SPAST: variants seen among roughly 807,000 people sequenced by gnomAD.
The protein encoded by SPAST is spastin, also known as spastic paraplegia 4 (autosomal dominant; spastin).
Under a neutral mutation model 76.6 loss-of-function variants are expected in SPAST, and 30 were observed. The observed-to-expected ratio is 0.39, with a 90% CI of 0.29 to 0.53. The LOEUF (loss-of-function observed/expected upper bound fraction) is 0.53. Among genes scored for constraint, SPAST ranks in the 20% least tolerant of loss-of-function variants. The pLI is 0.68. For missense variants in SPAST, 717 were observed against 770.5 expected, an observed-to-expected ratio of 0.93 and a Z score of 0.82; for synonymous variants, 305 against 281.0, an observed-to-expected ratio of 1.09 and a Z score of -0.86.
intron 2 of SPAST, among the ~76,000 whole-genome samples, chr2:32,088,504 C>T (rs1295646266): frequency 2.0e-5 from 3 of 152,060 alleles, no homozygotes; most frequent in Non-Finnish European, 4.4e-5. Flanking sequence ...ATTAGCCAGG[C>T]GTGGTGTCGC....
chr2:32,066,915 A>C (rs1379368009), intron 1 of SPAST, among the ~76,000 whole-genome samples: 4 of 146,362 alleles, frequency 2.7e-5, no homozygotes, highest in African/African-American at 1.0e-4. Flanking sequence ...TTCAGGCTGC[A>C]ATGAGCTGAG....
chr2:32,127,785 T>C (rs765154883), intron 8 of SPAST: 1 of 152,188 alleles, frequency 6.6e-6, no homozygotes, highest in Non-Finnish European at 1.5e-5. Flanking sequence ...GATGTTTGTC[T>C]TTCTCAAAGC....
intron 3 of SPAST, among the ~76,000 whole-genome samples, chr2:32,093,381 T>C (rs1677799728): frequency 6.7e-6 from 1 of 149,744 alleles, no homozygotes; most frequent in South Asian, 2.1e-4. Flanking sequence ...ACTTGGGAGG[T>C]TGAGGCATGA....
intron 1 of SPAST, among the ~76,000 whole-genome samples, chr2:32,075,241 T>C (rs1676905249): frequency 6.6e-6 from 1 of 151,138 alleles, no homozygotes; most frequent in South Asian, 2.1e-4. Context: ...GCTAACACGG[T>C]GAAACCCCAT....
At chr2:32,066,622 C>T (rs568252142) in intron 1 of SPAST, among the ~76,000 whole-genome samples, 1 of 151,756 alleles carries the variant, frequency 6.6e-6, no homozygotes, top group South Asian at 2.1e-4. Context: ...GAGCCGAGAT[C>T]GTGCCACTAC....
chr2:32,153,137 T>G (rs1332893066), intron 16 of SPAST, among the ~76,000 whole-genome samples: 1 of 152,160 alleles, frequency 6.6e-6, no homozygotes, highest in Non-Finnish European at 1.5e-5. Context: ...CTCATGGAGA[T>G]ATCAAAGATG....
chr2:32,087,698 T>TTC, intron 2 of SPAST, 120 bp downstream of exon 2: 1 of 325,062 alleles, frequency 3.1e-6, no homozygotes, highest in Non-Finnish European at 5.2e-6. Context: ...TCTTTTCTTT[T>TTC]TTTTTTTTTT....
intron 1 of SPAST, among the ~76,000 whole-genome samples, chr2:32,072,182 A>G (rs1386512492): frequency 6.6e-6 from 1 of 150,944 alleles, no homozygotes; most frequent in African/African-American, 2.4e-5. Flanking sequence ...AGCTGGGACT[A>G]CAGGCGCTGG....
In SPAST at chr2:32,151,874, G is replaced by C. The variant is rs1051524686; in HGVS notation, c.1729-2500G>C. On this transcript the variant is annotated intron_variant, in intron 16 of 16. Coordinates refer to ENST00000315285, the MANE Select transcript of SPAST (RefSeq NM_014946.4). ...TGCAGTGAGCTGAGATCGTACCACT[G>C]CACTCCAGTCTGTGCGACAGGAGCG... 8.7e-5 allele frequency among the ~76,000 whole-genome samples: 13 copies of C among 150,162 alleles called. No individual in the cohort carries two copies. The East Asian group carries it at 2.6e-3, about 30-fold the overall frequency.
intron 4 of SPAST, among the ~76,000 whole-genome samples, chr2:32,106,079 C>T (rs1418490164): frequency 6.6e-6 from 1 of 152,198 alleles, no homozygotes; most frequent in Non-Finnish European, 1.5e-5. Flanking sequence ...CAGAGGCAGT[C>T]AGGCCTCCTT....
At position 32,092,261 on chromosome 2, in the gene SPAST, G is replaced by T. The variant is rs186306637; in HGVS notation, c.586+2656G>T. Among the ~76,000 whole-genome samples the T allele has an allele frequency of 2.9e-3, 447 of 152,194 alleles. 3 individuals carry two copies. The highest frequency in any genetic ancestry group is 3.9e-3 in the Non-Finnish European group (265 of 68,008). Reference sequence around the variant, plus strand: ...TTGCCTTCTTCCTTTCTAAATGGAGGTTATTACTGTGTCAGATATAATTAA... The same window carrying T: ...TTGCCTTCTTCCTTTCTAAATGGAGTTTATTACTGTGTCAGATATAATTAA... On this transcript the variant is annotated intron_variant, in intron 3 of 16. Coordinates refer to ENST00000315285, the MANE Select transcript of SPAST (RefSeq NM_014946.4).
intron 7 of SPAST, 122 bp downstream of exon 7, chr2:32,116,334 A>G (rs1558324923): frequency 1.5e-6 from 1 of 683,612 alleles, no homozygotes; most frequent in Non-Finnish European, 2.6e-6. Flanking sequence ...GTAACAATAG[A>G]TTTAATGTTT....
chr2:32,143,619 C>T (rs1679793792), intron 14 of SPAST, among the ~76,000 whole-genome samples: 1 of 152,054 alleles, frequency 6.6e-6, no homozygotes, highest in African/African-American at 2.4e-5. Context: ...CTGGCTATGT[C>T]CTTTGCAAGA....
rs111641311 is a variant in SPAST, at chr2:32,095,877, C to T, written c.587-2919C>T. ...AGACATGAAGTTGGGATTGCCGAGGCGTAAGAGGTATAGGCAGATCATGGA... is the reference window on the plus strand; with the variant it reads ...AGACATGAAGTTGGGATTGCCGAGGTGTAAGAGGTATAGGCAGATCATGGA... On this transcript the variant is annotated intron_variant, in intron 3 of 16. Transcript: ENST00000315285. Among the ~76,000 whole-genome samples the T allele has an allele frequency of 2.3e-3, 347 of 152,110 alleles. 1 individual carries two copies. Among genetic ancestry groups the T allele is most frequent in the African/African-American group, 7.7e-3 (321 of 41,488 alleles).
intron 4 of SPAST, among the ~76,000 whole-genome samples, chr2:32,102,128 G>A (rs1033098436): frequency 6.6e-6 from 1 of 152,128 alleles, no homozygotes; most frequent in Non-Finnish European, 1.5e-5. Flanking sequence ...TCTTCCATTT[G>A]TCTGTGTCCT....
At position 32,114,838 on chromosome 2, in the gene SPAST, A is replaced by G; in HGVS notation, c.870+13A>G. On this transcript the variant is annotated intron_variant, in intron 5 of 16. Transcript: ENST00000315285. Reference sequence around the variant, plus strand: ...TACCACTCATAAGGTATTCTGGGACAGTAACTTTAATTGCTGTCTTTTTGC... The same window carrying G: ...TACCACTCATAAGGTATTCTGGGACGGTAACTTTAATTGCTGTCTTTTTGC... The G allele has an allele frequency of 1.2e-6, 2 of 1,609,522 alleles. No homozygotes were observed. The highest frequency in any genetic ancestry group is 1.7e-6 in the Non-Finnish European group (2 of 1,175,828).
intron 9 of SPAST, among the ~76,000 whole-genome samples, chr2:32,136,102 A>G (rs981442697): frequency 1.4e-4 from 21 of 152,044 alleles, no homozygotes; most frequent in Non-Finnish European, 2.5e-4. Context: ...AAAAAAAAAA[A>G]GAAATTTTGA....
chr2:32,077,540 T>A (rs1436519571), intron 1 of SPAST, among the ~76,000 whole-genome samples: 1 of 152,188 alleles, frequency 6.6e-6, no homozygotes, highest in Admixed American at 6.6e-5. Context: ...TACTTGCTTT[T>A]CAGGTAAGGA....
intron 1 of SPAST, among the ~76,000 whole-genome samples, chr2:32,072,112 G>T (rs1377786693): frequency 6.6e-6 from 1 of 151,990 alleles, no homozygotes; most frequent in African/African-American, 2.4e-5. Context: ...GCATGATCTC[G>T]GCTCACTGCA....
Sources: allele counts gnomAD v4.1 joint callset (sites outside exome capture counted in the v4.1 genomes callset), GRCh38; gene constraint gnomAD v4.1.1; transcripts MANE v1.5; gene names NCBI Gene and HGNC (gene_info 2026-07-23, HGNC 2026-07-21).